The following NTNG2 variants were observed in gnomAD, a reference collection of about 807,000 sequenced individuals.
The protein encoded by NTNG2 is netrin-G2.
A neutral mutation model predicts 47.6 loss-of-function variants in NTNG2; 15 were observed. That is an observed-to-expected ratio of 0.32 (90% CI 0.21 to 0.49). NTNG2 has a LOEUF of 0.49. Ranked by LOEUF, NTNG2 falls within the 20% of genes least tolerant of loss-of-function variation. The pLI is 0.99. For synonymous variants in NTNG2, 307 were observed against 324.6 expected (o/e 0.95, Z 0.58); for missense variants, 578 against 764.6 (o/e 0.76, Z 2.88).
At chr9:132,237,308 A>G (rs1227593534) in intron 5 of NTNG2, among the ~76,000 whole-genome samples, 4 of 152,156 alleles carry the variant, frequency 2.6e-5, no homozygotes, top group Non-Finnish European at 5.9e-5. Context: ...TGAGCAGGCG[A>G]CAAGGCTGCC....
chr9:132,241,232 C>G (rs1841964333), intron 7 of NTNG2, among the ~76,000 whole-genome samples, 188 bp downstream of exon 7: 1 of 114,262 alleles, frequency 8.8e-6, no homozygotes, highest in Non-Finnish European at 1.8e-5. Flanking sequence ...CCTCGCGAGA[C>G]GGGGCAGGGC....
Position 132,198,312 on chromosome 9 carries a change from C to T in NTNG2, c.560C>T (p.Ser187Phe), listed in dbSNP as rs1183788151. 4 of 1,612,722 alleles carry T rather than the reference C, an allele frequency of 2.5e-6. No individual in the cohort carries two copies. Among genetic ancestry groups the T allele is most frequent in the Non-Finnish European group, 3.4e-6 (4 of 1,179,914 alleles). The change falls in exon 3 of 8, where the codon TCC becomes TTC. Residue 187 changes from serine to phenylalanine, a missense_variant. Ser to Phe is a radical substitution (Grantham distance 155). Coordinates refer to ENST00000393229, the MANE Select transcript of NTNG2 (RefSeq NM_032536.4). ...MSARRARDMS[S>F]SSAHRVLCTE... ...GCCCGCCGGGCCCGCGACATGTCAT[C>T]CTCCAGCGCGCACCGCGTGCTCTGC...
chr9:132,175,649 T>C (rs1836380432), intron 2 of NTNG2, among the ~76,000 whole-genome samples: 1 of 152,180 alleles, frequency 6.6e-6, no homozygotes, highest in Non-Finnish European at 1.5e-5. Context: ...CTTAAGTATA[T>C]GAAAATGTGT....
intron 3 of NTNG2, among the ~76,000 whole-genome samples, chr9:132,199,859 G>A (rs1323414862): frequency 2.0e-5 from 3 of 152,250 alleles, no homozygotes; most frequent in Non-Finnish European, 2.9e-5. Context: ...GGAGAGGAAT[G>A]TGTTTTGAGG....
chr9:132,237,509 TGAA>T (rs376294203), intron 5 of NTNG2, among the ~76,000 whole-genome samples: 12 of 152,186 alleles, frequency 7.9e-5, no homozygotes, highest in African/African-American at 2.9e-4. Context: ...TGATGCCTAT[TGAA>T]GAATTCCAAG....
intron 1 of NTNG2, among the ~76,000 whole-genome samples, chr9:132,165,857 T>A (rs775820559): frequency 4.6e-5 from 7 of 152,256 alleles, no homozygotes; most frequent in Non-Finnish European, 8.8e-5. Flanking sequence ...AACTCTGATA[T>A]TAATAAAAAT....
chr9:132,206,724 G>C (rs1839195517), intron 3 of NTNG2, among the ~76,000 whole-genome samples: 1 of 152,272 alleles, frequency 6.6e-6, no homozygotes, highest in Admixed American at 6.5e-5. Flanking sequence ...CCAGCTCTTT[G>C]GGGACAGACA....
At chr9:132,196,385 G>A (rs1256255796) in intron 2 of NTNG2, among the ~76,000 whole-genome samples, 1 of 152,132 alleles carries the variant, frequency 6.6e-6, no homozygotes, top group South Asian at 2.1e-4. Flanking sequence ...TAGAGACGGG[G>A]TTTCTCCATG....
In NTNG2 at chr9:132,182,879, T is replaced by TC. The variant is rs921276105; in HGVS notation, c.214-15080dup. Among the ~76,000 whole-genome samples, 9 of 150,860 alleles carry TC rather than the reference T, an allele frequency of 6.0e-5. No individual in the cohort carries two copies. Among genetic ancestry groups the TC allele is most frequent in the African/African-American group, 7.3e-5 (3 of 41,084 alleles). Reference sequence around the variant, plus strand: ...CTGGACTTGCCTGGGAGCTTTTCATTCCCCCCCTGCCGCAGCTGCCCCCCA... The same window carrying TC: ...CTGGACTTGCCTGGGAGCTTTTCATTCCCCCCCCTGCCGCAGCTGCCCCCCA... On this transcript the variant is annotated intron_variant, in intron 2 of 7. Coordinates refer to ENST00000393229, the MANE Select transcript of NTNG2 (RefSeq NM_032536.4). This position sits in a 1 kb window ranked among gnomAD's most constrained non-coding sequence, Gnocchi z 4.2.
intron 2 of NTNG2, among the ~76,000 whole-genome samples, chr9:132,188,862 G>C (rs1837614407): frequency 6.6e-6 from 1 of 152,148 alleles, no homozygotes; most frequent in Non-Finnish European, 1.5e-5. Flanking sequence ...GCTGGGGCTG[G>C]AGTGGGGACA....
chr9:132,166,723 C>A lies in NTNG2; in HGVS notation c.-109C>A, dbSNP rs1273319123. 7.7e-6 allele frequency: 8 copies of A among 1,042,926 alleles called. No individual in the cohort carries two copies. The highest frequency in any genetic ancestry group is 8.8e-6 in the Non-Finnish European group (6 of 681,788). 64.6% of individuals were successfully genotyped at this position (1,042,926 alleles called of 1,614,324 possible). On this transcript the variant is annotated 5_prime_UTR_variant, in exon 2 of 8. Transcript: ENST00000393229. ...CGGGTCCCTGGGACACCCCGGCCAC[C>A]CTCGCCTGGTAGATGTGGCATTTCC...
rs560694318 is a variant in NTNG2, at chr9:132,244,089, T to C, written c.*1978T>C. 6 of 152,334 alleles carry C rather than the reference T, an allele frequency of 3.9e-5. No homozygotes were observed. Among genetic ancestry groups the C allele is most frequent in the African/African-American group, 1.4e-4 (6 of 41,558 alleles). 9.4% of individuals were successfully genotyped at this position (152,334 alleles called of 1,614,324 possible). A position where few individuals can be genotyped will look rare whatever the true frequency, so the allele number is the denominator to read the frequency against. ...GGCAGTGAGATGTAAGCAGGACTGA[T>C]GGGTGGGCTTCCAGAAAGTTCTTAA... On this transcript the variant is annotated 3_prime_UTR_variant, in exon 8 of 8. Transcript: ENST00000393229.
At position 132,197,960 on chromosome 9, in the gene NTNG2, C is replaced by A. The variant is rs1198868680; in HGVS notation, c.214-6C>A. On this transcript the variant is annotated splice_region_variant and splice_polypyrimidine_tract_variant and intron_variant, in intron 2 of 7. Transcript: ENST00000393229. The surrounding 1 kb of genome is among the most constrained non-coding windows in gnomAD (Gnocchi z 4.3). ...CCACCCTTCCCTTCTCCTCTCCCCG[C>A]TGCAGGAGAATCCCTACCTATGCAG... 1 of 1,606,590 alleles carries A rather than the reference C, an allele frequency of 6.2e-7. No individual in the cohort carries two copies. Among genetic ancestry groups the A allele is most frequent in the South Asian group, 1.1e-5 (1 of 90,626 alleles).
At chr9:132,185,243 G>A (rs1837269565) in intron 2 of NTNG2, among the ~76,000 whole-genome samples, 1 of 152,170 alleles carries the variant, frequency 6.6e-6, no homozygotes. Context: ...CCCACCCTGG[G>A]CCTCTGTTGG....
At chr9:132,214,740 G>A (rs896792806) in intron 3 of NTNG2, among the ~76,000 whole-genome samples, 1 of 152,106 alleles carries the variant, frequency 6.6e-6, no homozygotes, top group South Asian at 2.1e-4. Flanking sequence ...GATGAAATAC[G>A]GGATACCCAG....
At chr9:132,233,325 G>T (rs527632599) in intron 5 of NTNG2, 244 of 143,774 alleles carry the variant, frequency 1.7e-3, no homozygotes, top group Non-Finnish European at 3.1e-3. Flanking sequence ...GCATGCACAC[G>T]CACATGTACA....
At chr9:132,223,046 A>G (rs1424508104) in intron 3 of NTNG2, among the ~76,000 whole-genome samples, 1 of 152,194 alleles carries the variant, frequency 6.6e-6, no homozygotes, top group Non-Finnish European at 1.5e-5. Flanking sequence ...CCCGAGAGGC[A>G]GAAGTTGCAG....
intron 5 of NTNG2, among the ~76,000 whole-genome samples, chr9:132,235,805 G>C (rs934638387): frequency 1.2e-4 from 19 of 152,212 alleles, no homozygotes; most frequent in African/African-American, 4.6e-4. Context: ...TGTAGTGGAA[G>C]TAGCAGGTGT....
chr9:132,183,010 C>T (rs1032115518), intron 2 of NTNG2, among the ~76,000 whole-genome samples: 1 of 152,210 alleles, frequency 6.6e-6, no homozygotes, highest in Non-Finnish European at 1.5e-5. Context: ...ATTGAAACCT[C>T]TCCCAGGCCT....
Sources: allele counts gnomAD v4.1 joint callset (sites outside exome capture counted in the v4.1 genomes callset), GRCh38; gene constraint gnomAD v4.1.1; non-coding constraint Gnocchi (gnomAD v3.1); transcripts MANE v1.5; gene names NCBI Gene and HGNC (gene_info 2026-07-23, HGNC 2026-07-21).